Variants in ITGA11 observed in about 807,000 individuals in gnomAD.
The protein encoded by ITGA11 is integrin alpha-11.
ITGA11 carries 97 observed loss-of-function variants against 141.9 expected under a neutral mutation model. That is an observed-to-expected ratio of 0.68 (90% CI 0.58 to 0.81). The LOEUF is 0.81. Among genes scored for constraint, ITGA11 ranks in the 30% least tolerant of loss-of-function variants. The pLI, the probability that ITGA11 is intolerant of heterozygous loss-of-function variation, is 0.00. For missense variants in ITGA11, 1,387 were observed against 1,559.2 expected (o/e 0.89, Z 1.86); for synonymous variants, 658 against 624.6 (o/e 1.05, Z -0.80).
intron 21 of ITGA11, 128 bp downstream of exon 21, chr15:68,317,137 C>A: frequency 2.9e-6 from 2 of 682,998 alleles, no homozygotes; most frequent in South Asian, 1.7e-5. Flanking sequence ...CAAATAAAAG[C>A]CACCTCAGGC....
At chr15:68,327,612 CCAGACTTAGCTGG>C (rs1426516440) in intron 16 of ITGA11, among the ~76,000 whole-genome samples, 1 of 152,232 alleles carries the variant, frequency 6.6e-6, no homozygotes. Context: ...GTGTCTGACT[CCAGACTTAGCTGG>C]AAGTGATGGA....
Position 68,308,113 on chromosome 15 carries a change from A to T in ITGA11, c.3175-417T>A, listed in dbSNP as rs1363732083. 6.6e-6 allele frequency among the ~76,000 whole-genome samples: 1 copy of T among 152,238 alleles called. No individual in the cohort carries two copies. The highest frequency in any genetic ancestry group is 6.5e-5 in the Admixed American group (1 of 15,288). ...CCCAGGGAACTTCCTGAATCAGATA[A>T]AAGGGGTCTTCATAAAGTTCATGGA... On this transcript the variant is annotated intron_variant, in intron 26 of 29. Transcript: ENST00000315757. The surrounding 1 kb of genome is among the most constrained non-coding windows in gnomAD (Gnocchi z 5.2).
chr15:68,359,746 T>C (rs544663064), intron 5 of ITGA11, among the ~76,000 whole-genome samples: 104 of 150,202 alleles, frequency 6.9e-4, no homozygotes, highest in Middle Eastern at 3.4e-3. Flanking sequence ...CCATAACAAA[T>C]ATTAAAAAAA....
In ITGA11 at chr15:68,298,720, A is replaced by G. The variant is rs984003885; in HGVS notation, c.*4339T>C. 2.6e-5 allele frequency: 4 copies of G among 152,150 alleles called. No individual in the cohort carries two copies. The highest frequency in any genetic ancestry group is 9.7e-5 in the African/African-American group (4 of 41,436). The allele number at this position is 152,150 out of a possible 1,614,324, so 9.4% of individuals were successfully genotyped here. On this transcript the variant is annotated 3_prime_UTR_variant, in exon 30 of 30. Coordinates refer to ENST00000315757, the MANE Select transcript of ITGA11 (RefSeq NM_001004439.2). ...AAATTTGATTTTCTGTATTTCCTCT[A>G]ATTTTCCAAATAAAAAAATTTTTTG...
intron 1 of ITGA11, among the ~76,000 whole-genome samples, chr15:68,412,778 C>T (rs2140426400): frequency 6.9e-6 from 1 of 144,250 alleles, no homozygotes; most frequent in East Asian, 2.3e-4. Flanking sequence ...CAGGTTCAAG[C>T]AATTCTCCTG....
intron 5 of ITGA11, among the ~76,000 whole-genome samples, chr15:68,360,193 T>A (rs1179275587): frequency 6.6e-6 from 1 of 152,212 alleles, no homozygotes; most frequent in Non-Finnish European, 1.5e-5. Context: ...GCTCCACACA[T>A]GTGGACTGAG....
At chr15:68,406,814 A>T (rs1175070583) in intron 1 of ITGA11, among the ~76,000 whole-genome samples, 1 of 152,160 alleles carries the variant, frequency 6.6e-6, no homozygotes, top group Non-Finnish European at 1.5e-5. Context: ...GAAAGGAAAT[A>T]ATGATGAGCG....
At position 68,313,706 on chromosome 15, in the gene ITGA11, T is replaced by A. The variant is rs189731177; in HGVS notation, c.2882+73A>T. ...GGCCCTATTAGGGCCCATCAGAGGA[T>A]GCCCCCCCTTAGGCCTCCCTCCTCC... On this transcript the variant is annotated intron_variant, in intron 23 of 29. Coordinates refer to ENST00000315757, the MANE Select transcript of ITGA11 (RefSeq NM_001004439.2). 660 of 1,145,806 alleles carry A rather than the reference T, an allele frequency of 5.8e-4. 3 individuals are homozygous for A. The African/African-American group carries it at 9.1e-3, about 16-fold the overall frequency. The allele number at this position is 1,145,806 out of a possible 1,614,324, so 71.0% of individuals were successfully genotyped here. A position where few individuals can be genotyped will look rare whatever the true frequency, so the allele number is the denominator to read the frequency against.
intron 10 of ITGA11, among the ~76,000 whole-genome samples, chr15:68,339,892 A>G (rs1374195623): frequency 2.0e-5 from 3 of 152,164 alleles, no homozygotes; most frequent in Non-Finnish European, 4.4e-5. Flanking sequence ...GAATTTAGGG[A>G]AAAAGGAATG....
chr15:68,416,392 G>T (rs1043197839), intron 1 of ITGA11, among the ~76,000 whole-genome samples: 3 of 152,198 alleles, frequency 2.0e-5, no homozygotes, highest in African/African-American at 7.2e-5. Flanking sequence ...TCCGGAGACA[G>T]GGAGACAGAG....
chr15:68,329,878 C>T (rs1239274659), intron 15 of ITGA11, among the ~76,000 whole-genome samples: 1 of 152,156 alleles, frequency 6.6e-6, no homozygotes, highest in Non-Finnish European at 1.5e-5. Flanking sequence ...CCCAGTGCTG[C>T]CTAGAGGGCT....
intron 10 of ITGA11, among the ~76,000 whole-genome samples, chr15:68,344,845 C>T (rs1228871738): frequency 2.0e-5 from 3 of 152,184 alleles, no homozygotes; most frequent in African/African-American, 7.2e-5. Context: ...TCTGCGTAGA[C>T]AAGATCTACC....
rs1029961110 is a variant in ITGA11 at position 68,299,417 on chromosome 15, A to G, written c.*3642T>C. The G allele has an allele frequency of 4.0e-5, 6 of 148,176 alleles. No individual in the cohort carries two copies. Among genetic ancestry groups the G allele is most frequent in the Middle Eastern group, 3.4e-3 (1 of 294 alleles). The allele number at this position is 148,176 out of a possible 1,614,324, so 9.2% of individuals were successfully genotyped here. On this transcript the variant is annotated 3_prime_UTR_variant, in exon 30 of 30. Coordinates refer to ENST00000315757, the MANE Select transcript of ITGA11 (RefSeq NM_001004439.2). ...AATATTAACATAAAGATAGTAGGGGAGTTTTTTTTTTTTTTAAATTATAAG... is the reference window on the plus strand; with the variant it reads ...AATATTAACATAAAGATAGTAGGGGGGTTTTTTTTTTTTTTAAATTATAAG...
At chr15:68,363,542 T>G (rs1277466839) in intron 4 of ITGA11, among the ~76,000 whole-genome samples, 1 of 152,222 alleles carries the variant, frequency 6.6e-6, no homozygotes, top group Non-Finnish European at 1.5e-5. Context: ...TCTTTATGTC[T>G]TATTTGTCTT....
chr15:68,358,119 G>A (rs551076750), intron 6 of ITGA11, among the ~76,000 whole-genome samples: 8 of 152,136 alleles, frequency 5.3e-5, no homozygotes, highest in Non-Finnish European at 1.2e-4. Flanking sequence ...TCCATGACCT[G>A]TATGTCTAAT....
In ITGA11 at chr15:68,297,998, C is replaced by T. The variant is rs1225760920; in HGVS notation, c.*5061G>A. On this transcript the variant is annotated 3_prime_UTR_variant, in exon 30 of 30. Transcript: ENST00000315757. The stretch of plus-strand genomic sequence containing the variant: ...AGATGCCAGTACTAGGGAAGCTCAC[C>T]TTCAGATCTCTGCTAGGTCACTCCC... The T allele has an allele frequency of 6.6e-6, 1 of 152,214 alleles. No individual in the cohort carries two copies. Among genetic ancestry groups the T allele is most frequent in the African/African-American group, 2.4e-5 (1 of 41,454 alleles). 9.4% of individuals were successfully genotyped at this position (152,214 alleles called of 1,614,324 possible). A position where few individuals can be genotyped will look rare whatever the true frequency, so the allele number is the denominator to read the frequency against.
At chr15:68,323,484 T>A (rs772187757) in intron 18 of ITGA11, among the ~76,000 whole-genome samples, 3 of 152,168 alleles carry the variant, frequency 2.0e-5, no homozygotes, top group African/African-American at 7.2e-5. Context: ...ACAGGCCAGA[T>A]ATTATGGTAT....
chr15:68,367,928 TATGCCACCA>T (rs1319857248), intron 3 of ITGA11, among the ~76,000 whole-genome samples: 1 of 152,196 alleles, frequency 6.6e-6, no homozygotes, highest in Non-Finnish European at 1.5e-5. Context: ...CCTGGAACCA[TATGCCACCA>T]ACCAGGCACC....
chr15:68,341,827 C>G (rs1478578768), intron 10 of ITGA11, among the ~76,000 whole-genome samples: 1 of 152,170 alleles, frequency 6.6e-6, no homozygotes, highest in Admixed American at 6.5e-5. Context: ...GGGATTCAGC[C>G]GGGGAGACCC....
Sources: gnomAD v4.1 joint callset for allele counts (sites outside exome capture counted in the v4.1 genomes callset) on GRCh38, gnomAD v4.1.1 for gene constraint, Gnocchi (gnomAD v3.1) non-coding constraint, MANE v1.5 for transcripts, NCBI Gene and HGNC (gene_info 2026-07-23, HGNC 2026-07-21) for gene names.